The following SPOCK1 variants were observed in gnomAD, a reference collection of about 807,000 sequenced individuals.
SPOCK1 encodes testican-1.
Under a neutral mutation model 55.3 loss-of-function variants are expected in SPOCK1, and 23 were observed. That is an observed-to-expected ratio of 0.42 (90% CI 0.30 to 0.59). The LOEUF (loss-of-function observed/expected upper bound fraction) is 0.59, where lower values mean the gene tolerates loss of function less well. Among genes scored for constraint, SPOCK1 ranks in the 20% least tolerant of loss-of-function variants. SPOCK1 has a pLI of 0.22. For synonymous variants in SPOCK1, 226 were observed against 221.0 expected (o/e 1.02, Z -0.20); for missense variants, 499 against 552.5 (o/e 0.90, Z 0.97).
chr5:137,060,634 A>T (rs572495588), intron 6 of SPOCK1, among the ~76,000 whole-genome samples: 90 of 48,652 alleles, frequency 1.8e-3, no homozygotes, highest in African/African-American at 3.2e-3. Flanking sequence ...TTTTGTACAT[A>T]AAAAAAAAAA....
intron 9 of SPOCK1, 30 bp downstream of exon 9, chr5:136,985,110 T>A: frequency 7.5e-6 from 12 of 1,609,584 alleles, no homozygotes; most frequent in Non-Finnish European, 9.4e-6. Context: ...TAATTAGTTG[T>A]TTAAATGAGT....
intron 2 of SPOCK1, among the ~76,000 whole-genome samples, chr5:137,367,045 T>C (rs568179794): frequency 1.3e-5 from 2 of 152,362 alleles, no homozygotes; most frequent in Admixed American, 6.5e-5. Context: ...CCAGTGTTTT[T>C]GTTTTGTCAA....
chr5:137,060,799 C>T (rs1752382011), intron 6 of SPOCK1, among the ~76,000 whole-genome samples: 1 of 152,154 alleles, frequency 6.6e-6, no homozygotes, highest in Non-Finnish European at 1.5e-5. Context: ...TAGCTTTCCC[C>T]AATCACTTGC....
chr5:137,381,761 T>C (rs1282301720), intron 2 of SPOCK1, among the ~76,000 whole-genome samples: 1 of 152,232 alleles, frequency 6.6e-6, no homozygotes, highest in Admixed American at 6.5e-5. Context: ...CCTTGGCCTC[T>C]GGGCCTGTAA....
At chr5:137,018,607 A>G (rs889425683) in intron 6 of SPOCK1, among the ~76,000 whole-genome samples, 1 of 152,068 alleles carries the variant, frequency 6.6e-6, no homozygotes, top group African/African-American at 2.4e-5. Flanking sequence ...CCTTCCCCCC[A>G]TTAGTTAAAA....
chr5:137,057,270 T>G (rs972214413), intron 6 of SPOCK1, among the ~76,000 whole-genome samples: 2 of 152,104 alleles, frequency 1.3e-5, no homozygotes, highest in Non-Finnish European at 2.9e-5. Flanking sequence ...GGTTTTACTC[T>G]AATTACTTCT....
chr5:137,347,961 A>G (rs971986766), intron 2 of SPOCK1, among the ~76,000 whole-genome samples: 2 of 152,282 alleles, frequency 1.3e-5, no homozygotes, highest in Non-Finnish European at 2.9e-5. Flanking sequence ...TAAAATGCAC[A>G]TTCTGATTCA....
chr5:137,433,019 T>C (rs554289366), intron 2 of SPOCK1, among the ~76,000 whole-genome samples: 1 of 152,258 alleles, frequency 6.6e-6, no homozygotes, highest in South Asian at 2.1e-4. Context: ...CAAAGGTAAG[T>C]CAAATGGTTT....
intron 3 of SPOCK1, among the ~76,000 whole-genome samples, chr5:137,233,224 T>C (rs1561479257): frequency 6.6e-6 from 1 of 152,192 alleles, no homozygotes; most frequent in Non-Finnish European, 1.5e-5. Flanking sequence ...TATTATTACA[T>C]ACATATGAAA....
At chr5:137,023,667 A>G (rs1357557152) in intron 6 of SPOCK1, among the ~76,000 whole-genome samples, 1 of 152,224 alleles carries the variant, frequency 6.6e-6, no homozygotes, top group African/African-American at 2.4e-5. Flanking sequence ...GCATCATTTC[A>G]TCTGCAATGC....
intron 7 of SPOCK1, among the ~76,000 whole-genome samples, chr5:136,992,222 G>T (rs969796334): frequency 1.3e-5 from 2 of 152,014 alleles, no homozygotes; most frequent in Admixed American, 1.3e-4. Context: ...ACACACACAC[G>T]CTGTTTCATA....
intron 4 of SPOCK1, among the ~76,000 whole-genome samples, chr5:137,135,548 T>C (rs1463873029): frequency 1.3e-5 from 2 of 152,198 alleles, no homozygotes; most frequent in Non-Finnish European, 2.9e-5. Context: ...CATTTACCAA[T>C]GGGATCCTGG....
At chr5:137,126,625 G>A (rs1160852363) in intron 4 of SPOCK1, among the ~76,000 whole-genome samples, 4 of 152,154 alleles carry the variant, frequency 2.6e-5, no homozygotes, top group Admixed American at 2.6e-4. Flanking sequence ...AGCCAGGCAT[G>A]GTGGTGCATG....
intron 2 of SPOCK1, among the ~76,000 whole-genome samples, chr5:137,293,595 G>A (rs2905552): frequency 1.3e-5 from 2 of 151,922 alleles, no homozygotes; most frequent in African/African-American, 4.8e-5. Flanking sequence ...CCCAGTGTGA[G>A]TGTGCTCCTG....
chr5:137,090,678 G>A (rs11743969), intron 5 of SPOCK1, among the ~76,000 whole-genome samples: 23,481 of 152,182 alleles, frequency 0.15, 2,006 homozygotes, highest in Middle Eastern at 0.24. Flanking sequence ...TTGTATCCCT[G>A]AAGTATGAAA....
At chr5:137,177,894 A>G (rs1175495168) in intron 3 of SPOCK1, among the ~76,000 whole-genome samples, 2 of 152,094 alleles carry the variant, frequency 1.3e-5, no homozygotes, top group African/African-American at 4.8e-5. Context: ...AAAGCTGGGG[A>G]AGTCCATGCC....
At chr5:137,085,890 G>A (rs1304348975) in intron 5 of SPOCK1, among the ~76,000 whole-genome samples, 1 of 152,130 alleles carries the variant, frequency 6.6e-6, no homozygotes, top group Non-Finnish European at 1.5e-5. Flanking sequence ...TGCCCCAATA[G>A]TGTTATTCCA....
intron 2 of SPOCK1, among the ~76,000 whole-genome samples, chr5:137,381,964 C>G (rs1417556828): frequency 2.0e-5 from 3 of 152,140 alleles, no homozygotes; most frequent in Non-Finnish European, 4.4e-5. Context: ...GTTCTGCTTC[C>G]CTTTTAAATA....
intron 8 of SPOCK1, among the ~76,000 whole-genome samples, chr5:136,986,490 G>A (rs1202915661): frequency 6.6e-6 from 1 of 151,992 alleles, no homozygotes; most frequent in African/African-American, 2.4e-5. Flanking sequence ...TTGATTTTAG[G>A]TACTAACAGA....
Sources: allele counts gnomAD v4.1 joint callset (sites outside exome capture counted in the v4.1 genomes callset), GRCh38; gene constraint gnomAD v4.1.1; transcripts MANE v1.5; gene names NCBI Gene and HGNC (gene_info 2026-07-23, HGNC 2026-07-21).